The following SPDYE4 variants were observed in gnomAD, a reference collection of about 807,000 sequenced individuals.
The protein encoded by SPDYE4 is speedy/RINGO cell cycle regulator family member E4.
Under a neutral mutation model 37.5 loss-of-function variants are expected in SPDYE4, and 30 were observed. That is an observed-to-expected ratio of 0.80 (90% CI 0.60 to 1.09). The LOEUF is 1.09. Among genes scored for constraint, SPDYE4 ranks in the 50% least tolerant of loss-of-function variants. The pLI, the probability that SPDYE4 is intolerant of heterozygous loss-of-function variation, is 0.00. For missense variants in SPDYE4, 300 were observed against 307.9 expected (o/e 0.97, Z 0.19); for synonymous variants, 131 against 120.3 (o/e 1.09, Z -0.58).
intron 4 of SPDYE4, chr17:8,755,264 G>A: frequency 2.8e-6 from 1 of 360,912 alleles, no homozygotes; most frequent in African/African-American, 2.1e-5. Context: ...TGGGGAGCAG[G>A]GTCGTGTCCA....
In SPDYE4 at chr17:8,751,518, C is replaced by T. The variant is rs183232377; in HGVS notation, c.*764G>A. 3.0e-3 allele frequency among the ~76,000 whole-genome samples: 456 copies of T among 152,212 alleles called. 2 individuals carry two copies. The highest frequency in any genetic ancestry group is 0.01 in the African/African-American group (416 of 41,534). On this transcript the variant is annotated 3_prime_UTR_variant, in exon 7 of 7. Transcript: ENST00000689094. Reference sequence around the variant, plus strand: ...AGAATGTAGGGGAACTACCACCTAGCTATAAATATAATGGATATATTAGGT... The same window carrying T: ...AGAATGTAGGGGAACTACCACCTAGTTATAAATATAATGGATATATTAGGT...
intron 4 of SPDYE4, among the ~76,000 whole-genome samples, chr17:8,754,858 G>T (rs1381104842): frequency 1.3e-5 from 2 of 152,182 alleles, no homozygotes; most frequent in African/African-American, 4.8e-5. Context: ...ATGGAGTGGA[G>T]GGCATTTGGA....
intron 1 of SPDYE4, among the ~76,000 whole-genome samples, 172 bp downstream of exon 1, chr17:8,758,102 G>C (rs2086789561): frequency 6.6e-6 from 1 of 151,730 alleles, no homozygotes; most frequent in Non-Finnish European, 1.5e-5. Flanking sequence ...TTCTTTACAC[G>C]TGGCCATGCT....
chr17:8,758,240 C>G (rs1217442749), intron 1 of SPDYE4, 34 bp downstream of exon 1: 1 of 1,477,224 alleles, frequency 6.8e-7, no homozygotes, highest in Admixed American at 2.1e-5. Flanking sequence ...CTCAGTCAAT[C>G]ATCTCCCATC....
intron 6 of SPDYE4, among the ~76,000 whole-genome samples, chr17:8,752,604 A>G (rs1000740509): frequency 6.6e-6 from 1 of 152,030 alleles, no homozygotes; most frequent in African/African-American, 2.4e-5. Context: ...CATGCTACAA[A>G]CATGTCTAAC....
chr17:8,755,457 C>T (rs2086763767), intron 4 of SPDYE4, 63 bp downstream of exon 4: 6 of 1,548,612 alleles, frequency 3.9e-6, no homozygotes, highest in Non-Finnish European at 4.4e-6. Flanking sequence ...AGGTTGGAAT[C>T]CCACTTCGTC....
chr17:8,757,428 T>A lies in SPDYE4; in HGVS notation c.174A>T (p.Ser58=). The A allele has an allele frequency of 6.3e-7, 1 of 1,596,664 alleles. No individual in the cohort carries two copies. Among genetic ancestry groups the A allele is most frequent in the Non-Finnish European group, 8.5e-7 (1 of 1,171,330 alleles). The change falls in exon 2 of 7, where the codon TCA becomes TCT. Residue 58 remains serine (S), a synonymous_variant. Coordinates refer to ENST00000689094, the MANE Select transcript of SPDYE4 (RefSeq NM_001394956.1). ...CCTCCAGCTCCTCCTCGGATTCGTC[T>A]GACCATTCGCTCTTCCTTTTCAGGC... ...SLGLKRKSEW[S]DESEEELEEE... is the part of the protein sequence containing the mutation.
At chr17:8,752,941 C>T (rs543994978) in intron 6 of SPDYE4, among the ~76,000 whole-genome samples, 153 bp downstream of exon 6, 1 of 152,062 alleles carries the variant, frequency 6.6e-6, no homozygotes, top group African/African-American at 2.4e-5. Context: ...GGACTAGAGG[C>T]GCCCACCAGG....
downstream of SPDYE4, among the ~76,000 whole-genome samples, chr17:8,749,493 C>A (rs1158426110): frequency 6.6e-6 from 1 of 152,106 alleles, no homozygotes; most frequent in Non-Finnish European, 1.5e-5. Context: ...GTTTCGATCT[C>A]CTGATCTTGT....
At chr17:8,748,090 C>T (rs1182033882), downstream of SPDYE4, among the ~76,000 whole-genome samples, 1 of 152,214 alleles carries the variant, frequency 6.6e-6, no homozygotes, top group African/African-American at 2.4e-5. Context: ...TTACCTCTGC[C>T]TGGGTCCCTC....
Position 8,756,431 on chromosome 17 carries a change from G to GTTC in SPDYE4, c.345_346insGAA (p.Asp115_Pro116insGlu). 6.2e-7 allele frequency: 1 copy of GTTC among 1,614,000 alleles called. No individual in the cohort carries two copies. Among genetic ancestry groups the GTTC allele is most frequent in the Non-Finnish European group, 8.5e-7 (1 of 1,179,898 alleles). ...CAGGCCAGGAATTTTTGAACGACAG[G>GTTC]ATCCCCTGTGAAAAGAGAGCCTGTG... On this transcript the variant is annotated inframe_insertion, in exon 3 of 7. Coordinates refer to ENST00000689094, the MANE Select transcript of SPDYE4 (RefSeq NM_001394956.1).
chr17:8,757,155 C>T (rs1316681046), intron 2 of SPDYE4, 107 bp downstream of exon 2: 10 of 1,044,946 alleles, frequency 9.6e-6, no homozygotes, highest in African/African-American at 6.4e-5. Flanking sequence ...ATGGAGCGCT[C>T]ATCCCCCAGG....
chr17:8,753,295 C>A, intron 5 of SPDYE4, 26 bp downstream of exon 5: 1 of 1,570,002 alleles, frequency 6.4e-7, no homozygotes, highest in East Asian at 2.3e-5. Flanking sequence ...CTCCCCACCC[C>A]CACCTCCTCA....
chr17:8,747,811 A>G (rs1024240849), downstream of SPDYE4, among the ~76,000 whole-genome samples: 1 of 152,170 alleles, frequency 6.6e-6, no homozygotes, highest in Non-Finnish European at 1.5e-5. Flanking sequence ...CTCAAAATTC[A>G]TATGTTGAAA....
At chr17:8,755,720 TCA>T in intron 3 of SPDYE4, 115 bp from the exon 4 acceptor site, 1 of 1,315,026 alleles carries the variant, frequency 7.6e-7, no homozygotes, top group East Asian at 2.3e-5. Flanking sequence ...AGAAGGAACC[TCA>T]GTGTTGGGTG....
intron 5 of SPDYE4, 40 bp downstream of exon 5, chr17:8,753,281 A>AGCCCC: frequency 2.6e-6 from 1 of 388,132 alleles, no homozygotes. Context: ...AGTCCACCCC[A>AGCCCC]TCCCTCCCCA....
intron 1 of SPDYE4, 124 bp from the exon 2 acceptor site, chr17:8,757,616 G>A (rs1172708725): frequency 3.0e-6 from 3 of 991,984 alleles, no homozygotes; most frequent in Admixed American, 5.5e-5. Flanking sequence ...GCTTCTCCAA[G>A]CCATGTTTCC....
At chr17:8,750,167 C>T (rs971194663), downstream of SPDYE4, among the ~76,000 whole-genome samples, 2 of 151,686 alleles carry the variant, frequency 1.3e-5, no homozygotes, top group African/African-American at 4.8e-5. Context: ...GGGGGACGGA[C>T]CACCTGAGGT....
chr17:8,753,273 T>TG, intron 5 of SPDYE4, 48 bp downstream of exon 5: 31 of 1,556,268 alleles, frequency 2.0e-5, no homozygotes, highest in Non-Finnish European at 2.5e-5. Context: ...CAGCCTCCAG[T>TG]CCACCCCATC....
Sources: gnomAD v4.1 joint callset for allele counts (sites outside exome capture counted in the v4.1 genomes callset) on GRCh38, gnomAD v4.1.1 for gene constraint, MANE v1.5 for transcripts, NCBI Gene and HGNC (gene_info 2026-07-23, HGNC 2026-07-21) for gene names.